AUTS2: variants seen among roughly 807,000 people sequenced by gnomAD.
AUTS2 encodes autism susceptibility gene 2 protein.
AUTS2 carries 17 observed loss-of-function variants against 112.4 expected under a neutral mutation model. The observed-to-expected ratio is 0.15, with a 90% CI of 0.10 to 0.23. The LOEUF (loss-of-function observed/expected upper bound fraction) is 0.23. Ranked by LOEUF, AUTS2 falls within the 10% of genes least tolerant of loss-of-function variation. The probability of loss-of-function intolerance (pLI) is 1.00; values close to 1 mark genes in which losing one functional copy is unlikely to be tolerated. For synonymous variants in AUTS2, 751 were observed against 702.7 expected (o/e 1.07, Z -1.09); for missense variants, 1,510 against 1,701.6 (o/e 0.89, Z 1.98).
intron 5 of AUTS2, among the ~76,000 whole-genome samples, chr7:70,672,417 C>T (rs1365912930): frequency 6.6e-6 from 1 of 152,068 alleles, no homozygotes; most frequent in Non-Finnish European, 1.5e-5. Context: ...AGACAGTCTG[C>T]CACTTCTGCA....
chr7:70,389,891 T>C (rs1793776716), intron 4 of AUTS2, among the ~76,000 whole-genome samples: 1 of 152,192 alleles, frequency 6.6e-6, no homozygotes, highest in Admixed American at 6.5e-5. Flanking sequence ...AGACTAGAAT[T>C]ATTCATCAAG....
At chr7:70,777,220 G>A (rs1173517155) in intron 14 of AUTS2, 46 bp downstream of exon 14, 4 of 1,555,380 alleles carry the variant, frequency 2.6e-6, no homozygotes, top group African/African-American at 1.4e-5. Flanking sequence ...ATGCACATGT[G>A]AGTGTGTGAC....
intron 1 of AUTS2, among the ~76,000 whole-genome samples, chr7:69,848,644 G>A (rs148948576): frequency 5.5e-4 from 83 of 152,210 alleles, no homozygotes; most frequent in African/African-American, 1.5e-3. Flanking sequence ...TCTGCTCTGC[G>A]TGCATCTCTA....
intron 4 of AUTS2, among the ~76,000 whole-genome samples, chr7:70,432,785 G>A (rs1019706900): frequency 6.6e-6 from 1 of 152,216 alleles, no homozygotes; most frequent in African/African-American, 2.4e-5. Context: ...AGGCTCCAGA[G>A]AGTGGAGCTG....
rs530102084 is a variant in AUTS2, at chr7:70,367,413, C to T, written c.661-68339C>T. ...CTACTAAAAATACAAAAAATTAGCCCGGCATGGTGATGGGCGCTTGTAGTC... is the reference window on the plus strand; with the variant it reads ...CTACTAAAAATACAAAAAATTAGCCTGGCATGGTGATGGGCGCTTGTAGTC... On this transcript the variant is annotated intron_variant, in intron 4 of 18. Coordinates refer to ENST00000342771, the MANE Select transcript of AUTS2 (RefSeq NM_015570.4). 1.1e-3 allele frequency among the ~76,000 whole-genome samples: 164 copies of T among 151,760 alleles called. 1 individual carries two copies. Among genetic ancestry groups the T allele is most frequent in the Non-Finnish European group, 1.8e-3 (123 of 67,874 alleles).
intron 1 of AUTS2, among the ~76,000 whole-genome samples, chr7:69,829,538 A>T (rs1004130042): frequency 1.3e-5 from 2 of 152,224 alleles, no homozygotes; most frequent in African/African-American, 4.8e-5. Flanking sequence ...AAACAAATTT[A>T]CAAGAAAAAA....
At chr7:69,794,755 G>A (rs1433611291) in intron 1 of AUTS2, among the ~76,000 whole-genome samples, 6 of 152,120 alleles carry the variant, frequency 3.9e-5, no homozygotes, top group African/African-American at 1.4e-4. Context: ...GTGCAACTGA[G>A]GGGACGGTCA....
Position 70,575,314 on chromosome 7 carries a change from C to T in AUTS2, c.691-123255C>T, listed in dbSNP as rs370363400. ...ACTAATGAGCAGGCACATGGGGCAC[C>T]CCTGCCTGTGTGCACCCCCTTCCTT... On this transcript the variant is annotated intron_variant, in intron 5 of 18. Coordinates refer to ENST00000342771, the MANE Select transcript of AUTS2 (RefSeq NM_015570.4). Among the ~76,000 whole-genome samples the T allele has an allele frequency of 7.3e-4, 111 of 152,264 alleles. 1 individual carries two copies. The South Asian group carries it at 0.022, about 30-fold the overall frequency.
At chr7:69,718,336 AG>A (rs1414463089) in intron 1 of AUTS2, among the ~76,000 whole-genome samples, 1 of 152,210 alleles carries the variant, frequency 6.6e-6, no homozygotes, top group Non-Finnish European at 1.5e-5. Context: ...GTAGGCTAGA[AG>A]TCCAACATGG....
intron 5 of AUTS2, among the ~76,000 whole-genome samples, chr7:70,650,515 G>T (rs1806447102): frequency 6.6e-6 from 1 of 152,192 alleles, no homozygotes; most frequent in Non-Finnish European, 1.5e-5. Context: ...AATGTGAGCT[G>T]GTCAAGAGCA....
chr7:69,619,276 A>G (rs963625114), intron 1 of AUTS2, among the ~76,000 whole-genome samples: 3 of 152,196 alleles, frequency 2.0e-5, no homozygotes, highest in African/African-American at 7.2e-5. Flanking sequence ...AGCATCAGGA[A>G]CTTAGAGAGT....
intron 5 of AUTS2, among the ~76,000 whole-genome samples, chr7:70,522,471 A>G (rs903277989): frequency 6.6e-6 from 1 of 152,156 alleles, no homozygotes. Context: ...CCACTCCTCT[A>G]GTAGTCCCCA....
intron 1 of AUTS2, among the ~76,000 whole-genome samples, chr7:69,890,774 C>G (rs181099078): frequency 6.6e-6 from 1 of 152,060 alleles, no homozygotes; most frequent in Admixed American, 6.6e-5. Flanking sequence ...TCAAGACATT[C>G]GTGTTCACAA....
chr7:70,442,429 A>G (rs757166517), intron 5 of AUTS2, among the ~76,000 whole-genome samples: 1 of 152,140 alleles, frequency 6.6e-6, no homozygotes, highest in Non-Finnish European at 1.5e-5. Context: ...GCCATTTATA[A>G]GTTTCCTAAC....
intron 5 of AUTS2, among the ~76,000 whole-genome samples, chr7:70,488,556 C>T (rs1173361441): frequency 6.6e-6 from 1 of 152,134 alleles, no homozygotes; most frequent in Admixed American, 6.5e-5. Context: ...ACCTTCTTAG[C>T]CCTGAAAGCT....
intron 5 of AUTS2, among the ~76,000 whole-genome samples, chr7:70,612,350 C>G (rs897186623): frequency 3.3e-5 from 5 of 152,146 alleles, no homozygotes; most frequent in African/African-American, 1.2e-4. Flanking sequence ...GATAGCAGAT[C>G]ACTGCATCTG....
intron 4 of AUTS2, among the ~76,000 whole-genome samples, chr7:70,424,991 C>T (rs574143334): frequency 7.2e-4 from 109 of 152,320 alleles, no homozygotes; most frequent in African/African-American, 2.5e-3. Context: ...GTGAAATGCA[C>T]TTCAACAACC....
At chr7:69,863,482 AG>A (rs1227793986) in intron 1 of AUTS2, among the ~76,000 whole-genome samples, 3 of 152,138 alleles carry the variant, frequency 2.0e-5, no homozygotes, top group African/African-American at 7.2e-5. Flanking sequence ...TATATAGGCC[AG>A]AGATTGGCTT....
intron 1 of AUTS2, among the ~76,000 whole-genome samples, chr7:69,620,837 T>TGGGGATG (rs1793621578): frequency 6.6e-6 from 1 of 152,114 alleles, no homozygotes; most frequent in Non-Finnish European, 1.5e-5. Context: ...TGTGGATCCT[T>TGGGGATG]GGGGATGGTG....
Sources: allele counts gnomAD v4.1 joint callset (sites outside exome capture counted in the v4.1 genomes callset), GRCh38; gene constraint gnomAD v4.1.1; transcripts MANE v1.5; gene names NCBI Gene and HGNC (gene_info 2026-07-23, HGNC 2026-07-21).